Variants in MED27 observed in about 807,000 individuals in gnomAD.
The protein encoded by MED27 is mediator complex subunit 27.
In MED27, 30 loss-of-function variants were observed where a neutral mutation model predicts 38.2. The observed-to-expected ratio is 0.79, with a 90% CI of 0.59 to 1.07. The LOEUF (loss-of-function observed/expected upper bound fraction) is 1.07. MED27 is among the 50% of genes least tolerant of loss of function. The pLI, the probability that MED27 is intolerant of heterozygous loss-of-function variation, is 0.00. For missense variants in MED27, 289 were observed against 397.5 expected (o/e 0.73, Z 2.32); for synonymous variants, 122 against 153.5 (o/e 0.79, Z 1.52).
At chr9:131,936,132 C>CA (rs748150201) in intron 4 of MED27, among the ~76,000 whole-genome samples, 1,064 of 84,092 alleles carry the variant, frequency 0.013, 8 homozygotes, top group African/African-American at 0.032. Context: ...GACCCTGTCT[C>CA]AAAAAAAAAA....
intron 4 of MED27, among the ~76,000 whole-genome samples, chr9:131,936,171 G>GAAAGA (rs1830681258): frequency 6.6e-6 from 1 of 150,502 alleles, no homozygotes; most frequent in Admixed American, 6.7e-5. Context: ...AAGAAAGAAA[G>GAAAGA]AAAAAATCAC....
intron 2 of MED27, among the ~76,000 whole-genome samples, chr9:132,058,851 T>C (rs1833638432): frequency 6.6e-6 from 1 of 152,246 alleles, no homozygotes. Context: ...GAAATCATGA[T>C]GCATTTTACG....
At chr9:132,050,760 C>G (rs903559832) in intron 2 of MED27, among the ~76,000 whole-genome samples, 15 of 152,162 alleles carry the variant, frequency 9.9e-5, no homozygotes, top group South Asian at 8.3e-4. Flanking sequence ...ATCAAAGGGA[C>G]TCACCCCCGT....
At chr9:131,969,969 G>C (rs58231900) in intron 3 of MED27, among the ~76,000 whole-genome samples, 4 of 152,202 alleles carry the variant, frequency 2.6e-5, no homozygotes, top group Admixed American at 2.0e-4. Context: ...GGAGGGCTGG[G>C]GGGGGGTGGG....
At chr9:131,969,905 T>A (rs1831437556) in intron 3 of MED27, among the ~76,000 whole-genome samples, 1 of 152,178 alleles carries the variant, frequency 6.6e-6, no homozygotes, top group African/African-American at 2.4e-5. Context: ...GAACTCCCCA[T>A]GATCCACAGC....
intron 3 of MED27, among the ~76,000 whole-genome samples, chr9:131,983,358 C>T (rs577563779): frequency 1.1e-4 from 17 of 152,320 alleles, no homozygotes; most frequent in African/African-American, 3.8e-4. Flanking sequence ...GCACAAAAAA[C>T]TTTAATGATG....
intron 6 of MED27, chr9:131,868,597 A>G (rs1838774587): frequency 1.0e-6 from 1 of 985,478 alleles, no homozygotes; most frequent in South Asian, 4.7e-5. Context: ...TTTACATTGG[A>G]CAGAGGAGGA....
At chr9:131,907,500 G>A (rs1830089359) in intron 4 of MED27, among the ~76,000 whole-genome samples, 2 of 152,342 alleles carry the variant, frequency 1.3e-5, no homozygotes, top group South Asian at 4.1e-4. Context: ...GATTGCAGAC[G>A]TAGCCTCGTT....
chr9:132,072,370 C>A (rs998973322), intron 2 of MED27, among the ~76,000 whole-genome samples: 1 of 152,126 alleles, frequency 6.6e-6, no homozygotes, highest in Non-Finnish European at 1.5e-5. Flanking sequence ...TGAGCTCAAG[C>A]ATAAGCAGAG....
intron 2 of MED27, among the ~76,000 whole-genome samples, chr9:132,021,517 T>C (rs1241076830): frequency 1.3e-5 from 2 of 152,070 alleles, no homozygotes; most frequent in East Asian, 1.9e-4. Flanking sequence ...ATATAAAAAT[T>C]GGTGTTTTCC....
chr9:132,060,800 T>G (rs897834124), intron 2 of MED27, among the ~76,000 whole-genome samples: 1 of 151,970 alleles, frequency 6.6e-6, no homozygotes, highest in Admixed American at 6.5e-5. Flanking sequence ...AATACAAAAA[T>G]TAGCCAGGCA....
chr9:131,900,718 G>T (rs1205109835), intron 4 of MED27, among the ~76,000 whole-genome samples: 1 of 152,116 alleles, frequency 6.6e-6, no homozygotes. Context: ...TTGTCAGTTA[G>T]ACAAATGGTG....
intron 3 of MED27, among the ~76,000 whole-genome samples, chr9:131,974,681 C>G (rs932666422): frequency 6.6e-6 from 1 of 152,206 alleles, no homozygotes; most frequent in African/African-American, 2.4e-5. Flanking sequence ...CTCCTTTGTT[C>G]ATTTGCCTGA....
At chr9:131,940,080 T>C (rs1830759582) in intron 3 of MED27, among the ~76,000 whole-genome samples, 1 of 151,886 alleles carries the variant, frequency 6.6e-6, no homozygotes, top group African/African-American at 2.4e-5. Context: ...CTACTTTTTA[T>C]ATTTTTAGTA....
chr9:131,860,700 A>G lies in MED27; in HGVS notation c.802-28T>C. On this transcript the variant is annotated intron_variant, in intron 7 of 7. Coordinates refer to ENST00000292035, the MANE Select transcript of MED27 (RefSeq NM_004269.4). The surrounding 1 kb of genome is among the most constrained non-coding windows in gnomAD (Gnocchi z 5.8). ...AAAAAGAGAAACGAGGAGAGAAGTG[A>G]AAGAATGGGATACGGGTGCTCCCAA... The G allele has an allele frequency of 1.9e-6, 3 of 1,610,082 alleles. No homozygotes were observed. The highest frequency in any genetic ancestry group is 2.5e-6 in the Non-Finnish European group (3 of 1,178,016).
At chr9:132,079,396 G>A (rs1288586170) in intron 1 of MED27, among the ~76,000 whole-genome samples, 2 of 152,206 alleles carry the variant, frequency 1.3e-5, no homozygotes, top group Non-Finnish European at 2.9e-5. Flanking sequence ...GAATGGAACC[G>A]CCACAGAAGA....
chr9:131,994,630 G>A (rs552858575), intron 3 of MED27, among the ~76,000 whole-genome samples: 2 of 152,180 alleles, frequency 1.3e-5, no homozygotes, highest in African/African-American at 2.4e-5. Context: ...AGAACAATAT[G>A]GCCTCAGGTC....
At chr9:131,866,250 C>A (rs1322717340) in intron 6 of MED27, among the ~76,000 whole-genome samples, 3 of 152,222 alleles carry the variant, frequency 2.0e-5, no homozygotes, top group Non-Finnish European at 4.4e-5. Context: ...CTGGACTTGA[C>A]CTCCTCTGGC....
At chr9:132,049,546 C>T (rs551238489) in intron 2 of MED27, among the ~76,000 whole-genome samples, 4 of 152,230 alleles carry the variant, frequency 2.6e-5, no homozygotes, top group East Asian at 1.9e-4. Flanking sequence ...ACGGCCAGCA[C>T]GGTTGCCACA....
Sources: allele counts gnomAD v4.1 joint callset (sites outside exome capture counted in the v4.1 genomes callset), GRCh38; gene constraint gnomAD v4.1.1; non-coding constraint Gnocchi (gnomAD v3.1); transcripts MANE v1.5; gene names NCBI Gene and HGNC (gene_info 2026-07-23, HGNC 2026-07-21).